The following RBFOX1 variants were observed in gnomAD, a reference collection of about 807,000 sequenced individuals.
The protein encoded by RBFOX1 is RNA binding protein fox-1 homolog 1.
In RBFOX1, 8 loss-of-function variants were observed where a neutral mutation model predicts 57.7. That is an observed-to-expected ratio of 0.14 (90% CI 0.08 to 0.25). The LOEUF (loss-of-function observed/expected upper bound fraction) is 0.25. Among genes scored for constraint, RBFOX1 ranks in the 10% least tolerant of loss-of-function variants. The probability of loss-of-function intolerance (pLI) is 1.00; values close to 1 mark genes in which losing one functional copy is unlikely to be tolerated. For missense variants in RBFOX1, 611 were observed against 548.5 expected, an observed-to-expected ratio of 1.11 and a Z score of -1.14; for synonymous variants, 326 against 222.4, an observed-to-expected ratio of 1.47 and a Z score of -4.15.
At chr16:7,167,072 G>C (rs1186182035) in intron 4 of RBFOX1, among the ~76,000 whole-genome samples, 1 of 135,562 alleles carries the variant, frequency 7.4e-6, no homozygotes, top group Non-Finnish European at 1.5e-5. Context: ...TGCAACCTCC[G>C]TCCCCTGGGT....
At position 6,609,679 on chromosome 16, in the gene RBFOX1, G is replaced by A. The variant is rs573911636; in HGVS notation, c.-63-44924G>A. On this transcript the variant is annotated intron_variant, in intron 2 of 15. Transcript: ENST00000550418. Reference sequence around the variant, plus strand: ...ACCCTATGTAAAGATTCACCCAGATGGTTCAGTGTTTCCTTCATAGATAAC... The same window carrying A: ...ACCCTATGTAAAGATTCACCCAGATAGTTCAGTGTTTCCTTCATAGATAAC... Among the ~76,000 whole-genome samples the A allele has an allele frequency of 6.6e-5, 10 of 152,242 alleles. No homozygotes were observed. The South Asian group carries it at 2.1e-3, about 32-fold the overall frequency.
chr16:7,267,649 G>A (rs560664687), intron 4 of RBFOX1, among the ~76,000 whole-genome samples: 26 of 152,168 alleles, frequency 1.7e-4, no homozygotes, highest in African/African-American at 5.1e-4. Flanking sequence ...GAGGTCAGGA[G>A]TTCGAGACCA....
At chr16:6,835,762 A>G (rs928801605) in intron 3 of RBFOX1, among the ~76,000 whole-genome samples, 4 of 111,822 alleles carry the variant, frequency 3.6e-5, no homozygotes, top group African/African-American at 1.2e-4. Flanking sequence ...TAAAAAAAAA[A>G]AAAAAAAAAA....
intron 4 of RBFOX1, among the ~76,000 whole-genome samples, chr16:5,938,547 C>G (rs1052342172): frequency 6.6e-6 from 1 of 152,308 alleles, no homozygotes; most frequent in South Asian, 2.1e-4. Context: ...ACTCTACAAC[C>G]TATTTCACTA....
intron 1 of RBFOX1, among the ~76,000 whole-genome samples, chr16:5,422,550 A>G (rs1051305806): frequency 2.4e-5 from 1 of 41,240 alleles, no homozygotes; most frequent in Non-Finnish European, 4.3e-5. Flanking sequence ...GGGGGCAGGG[A>G]GGGGGAAGAA....
chr16:6,974,336 C>CT (rs59299498), intron 3 of RBFOX1, among the ~76,000 whole-genome samples: 1,672 of 58,744 alleles, frequency 0.028, 108 homozygotes, highest in Middle Eastern at 0.08. Context: ...TTTTCTTTTT[C>CT]TTTTTTTTTT....
At chr16:7,403,703 C>T (rs998296647) in intron 4 of RBFOX1, among the ~76,000 whole-genome samples, 6 of 151,634 alleles carry the variant, frequency 4.0e-5, no homozygotes, top group Non-Finnish European at 7.4e-5. Flanking sequence ...CCTGCCACTA[C>T]TCCATGTGAA....
At chr16:5,738,671 A>C (rs894964668) in intron 3 of RBFOX1, among the ~76,000 whole-genome samples, 1 of 150,734 alleles carries the variant, frequency 6.6e-6, no homozygotes, top group Non-Finnish European at 1.5e-5. Flanking sequence ...ATCTAAAGGA[A>C]GTATAAAGCA....
At chr16:6,715,723 G>C (rs1460021837) in intron 3 of RBFOX1, among the ~76,000 whole-genome samples, 2 of 152,020 alleles carry the variant, frequency 1.3e-5, no homozygotes, top group East Asian at 3.9e-4. Context: ...TGTTGTTTAT[G>C]GGTGGTTTTT....
chr16:5,368,267 G>A (rs901018666), intron 1 of RBFOX1, among the ~76,000 whole-genome samples: 57 of 152,194 alleles, frequency 3.7e-4, no homozygotes, highest in African/African-American at 1.3e-3. Flanking sequence ...CTTTTTTTAC[G>A]CTTGCGACTG....
intron 2 of RBFOX1, among the ~76,000 whole-genome samples, chr16:6,365,158 A>G (rs1183122517): frequency 6.6e-6 from 1 of 152,216 alleles, no homozygotes; most frequent in African/African-American, 2.4e-5. Context: ...TCAGAATAGC[A>G]GCTATAAATC....
chr16:6,740,077 A>G (rs1272861964), intron 3 of RBFOX1, among the ~76,000 whole-genome samples: 3 of 152,174 alleles, frequency 2.0e-5, no homozygotes, highest in Non-Finnish European at 4.4e-5. Flanking sequence ...CCCCAACCTA[A>G]TGAGGAATAG....
At chr16:5,716,268 A>G (rs1022471510) in intron 3 of RBFOX1, among the ~76,000 whole-genome samples, 1 of 152,210 alleles carries the variant, frequency 6.6e-6, no homozygotes, top group African/African-American at 2.4e-5. Flanking sequence ...TTTTGTACCA[A>G]GCTAATAAGT....
chr16:6,362,839 C>T (rs1389790371), intron 2 of RBFOX1, among the ~76,000 whole-genome samples: 1 of 152,136 alleles, frequency 6.6e-6, no homozygotes, highest in Non-Finnish European at 1.5e-5. Context: ...CCCTCGAATT[C>T]GAGGAAGGAA....
chr16:7,572,881 A>T (rs1054197575), intron 5 of RBFOX1, among the ~76,000 whole-genome samples: 1 of 152,158 alleles, frequency 6.6e-6, no homozygotes, highest in African/African-American at 2.4e-5. Context: ...CCAGCCCCAA[A>T]TGTCAATGGT....
intron 2 of RBFOX1, among the ~76,000 whole-genome samples, chr16:6,652,848 A>C (rs200021616): frequency 6.6e-6 from 1 of 152,306 alleles, no homozygotes; most frequent in East Asian, 1.9e-4. Flanking sequence ...GTTGCACAAC[A>C]GTTTGTATGG....
intron 4 of RBFOX1, among the ~76,000 whole-genome samples, chr16:7,288,438 G>A (rs562745391): frequency 6.6e-6 from 1 of 152,290 alleles, no homozygotes; most frequent in South Asian, 2.1e-4. Context: ...GAAATGGGAG[G>A]AGTCACATCA....
intron 4 of RBFOX1, among the ~76,000 whole-genome samples, chr16:7,201,025 C>T (rs898837424): frequency 2.4e-4 from 37 of 152,272 alleles, no homozygotes; most frequent in African/African-American, 8.7e-4. Flanking sequence ...TTTGGGGACT[C>T]TCTAAATAGC....
intron 2 of RBFOX1, among the ~76,000 whole-genome samples, chr16:6,457,436 A>AG (rs1715137120): frequency 7.6e-5 from 3 of 39,644 alleles, no homozygotes; most frequent in South Asian, 8.1e-4. Flanking sequence ...AATTTCCGGA[A>AG]GTCCCCCCCC....
Sources: allele counts gnomAD v4.1 joint callset (sites outside exome capture counted in the v4.1 genomes callset), GRCh38; gene constraint gnomAD v4.1.1; transcripts MANE v1.5; gene names NCBI Gene and HGNC (gene_info 2026-07-23, HGNC 2026-07-21).